Variants in CATSPERB observed in about 807,000 individuals in gnomAD.
The protein encoded by CATSPERB is catsper channel auxiliary subunit beta.
A neutral mutation model predicts 128.3 loss-of-function variants in CATSPERB; 93 were observed. The observed-to-expected ratio is 0.72, with a 90% CI of 0.61 to 0.86. CATSPERB has a LOEUF of 0.86. Among genes scored for constraint, CATSPERB ranks in the 40% least tolerant of loss-of-function variants. The probability of loss-of-function intolerance (pLI) is 0.00; values close to 1 mark genes in which losing one functional copy is unlikely to be tolerated. For missense variants in CATSPERB, 1,153 were observed against 1,329.5 expected (o/e 0.87, Z 2.06); for synonymous variants, 381 against 448.8 (o/e 0.85, Z 1.91).
intron 17 of CATSPERB, among the ~76,000 whole-genome samples, chr14:91,632,710 C>A (rs796066129): frequency 1.3e-5 from 2 of 152,152 alleles, no homozygotes; most frequent in African/African-American, 4.8e-5. Flanking sequence ...TCACAAGGAA[C>A]AGGATTAATC....
At chr14:91,587,153 G>A (rs1193832277) in intron 26 of CATSPERB, 49 bp downstream of exon 26, 3 of 1,448,386 alleles carry the variant, frequency 2.1e-6, no homozygotes, top group African/African-American at 2.9e-5. Flanking sequence ...GTTTTGTCAT[G>A]TTTTTTCCCC....
At chr14:91,729,688 T>C (rs889498027) in intron 1 of CATSPERB, among the ~76,000 whole-genome samples, 2 of 152,164 alleles carry the variant, frequency 1.3e-5, no homozygotes, top group African/African-American at 4.8e-5. Flanking sequence ...GGTATAATTA[T>C]TACAAACTAG....
intron 4 of CATSPERB, among the ~76,000 whole-genome samples, chr14:91,722,787 G>A (rs1418684111): frequency 1.3e-5 from 2 of 152,000 alleles, no homozygotes; most frequent in African/African-American, 4.8e-5. Flanking sequence ...ACATCAGATG[G>A]CAACTTACAT....
chr14:91,676,777 C>T (rs563797234), intron 11 of CATSPERB, among the ~76,000 whole-genome samples: 1 of 152,192 alleles, frequency 6.6e-6, no homozygotes, highest in Admixed American at 6.5e-5. Context: ...CAATCCTAAG[C>T]AAAAAGAACA....
intron 26 of CATSPERB, among the ~76,000 whole-genome samples, 187 bp downstream of exon 26, chr14:91,587,015 C>A (rs977581033): frequency 6.6e-6 from 1 of 152,190 alleles, no homozygotes; most frequent in African/African-American, 2.4e-5. Context: ...TCAGTCCTGG[C>A]ACCCATGATG....
chr14:91,727,082 T>C (rs1896130271), intron 2 of CATSPERB, among the ~76,000 whole-genome samples: 2 of 152,322 alleles, frequency 1.3e-5, no homozygotes, highest in South Asian at 4.1e-4. Flanking sequence ...GATATCTTAA[T>C]TACAACAATT....
chr14:91,707,488 A>C (rs1357404540), intron 6 of CATSPERB, among the ~76,000 whole-genome samples: 1 of 151,082 alleles, frequency 6.6e-6, no homozygotes, highest in African/African-American at 2.4e-5. Flanking sequence ...AAAACTACTT[A>C]CTTTTTTGGA....
chr14:91,703,435 G>A (rs560256379), intron 7 of CATSPERB, among the ~76,000 whole-genome samples: 1 of 152,004 alleles, frequency 6.6e-6, no homozygotes, highest in African/African-American at 2.4e-5. Context: ...GAATTTCCTG[G>A]GTGATGGGAT....
At chr14:91,688,195 G>A (rs1895407557) in intron 10 of CATSPERB, among the ~76,000 whole-genome samples, 2 of 152,216 alleles carry the variant, frequency 1.3e-5, no homozygotes, top group African/African-American at 4.8e-5. Flanking sequence ...TAATCTGAAA[G>A]ATGAATAATC....
intron 10 of CATSPERB, among the ~76,000 whole-genome samples, chr14:91,689,040 T>C (rs990440509): frequency 1.3e-5 from 2 of 152,198 alleles, no homozygotes; most frequent in Non-Finnish European, 2.9e-5. Context: ...GAATAATAGA[T>C]GGCAAAGTGG....
intron 22 of CATSPERB, chr14:91,604,387 C>A: frequency 1.0e-6 from 1 of 962,784 alleles, no homozygotes; most frequent in South Asian, 1.3e-5. Flanking sequence ...TGATTAATGT[C>A]AATTGCACTC....
chr14:91,673,718 A>G (rs1895140365), intron 12 of CATSPERB, among the ~76,000 whole-genome samples: 1 of 152,116 alleles, frequency 6.6e-6, no homozygotes, highest in African/African-American at 2.4e-5. Flanking sequence ...CCCTGTCTCT[A>G]CTAAAAATAC....
chr14:91,682,333 GT>G (rs1293919722), intron 11 of CATSPERB, among the ~76,000 whole-genome samples: 3 of 152,124 alleles, frequency 2.0e-5, no homozygotes, highest in Non-Finnish European at 4.4e-5. Flanking sequence ...GTACACAGTG[GT>G]GTCAGATGGC....
intron 15 of CATSPERB, among the ~76,000 whole-genome samples, chr14:91,640,244 ATTTTTTTAT>A (rs1315267328): frequency 3.0e-5 from 3 of 101,352 alleles, no homozygotes; most frequent in Non-Finnish European, 4.5e-5. Flanking sequence ...CATTCTTTTT[ATTTTTTTAT>A]TTTTTTTTTA....
At chr14:91,705,799 C>A in intron 6 of CATSPERB, among the ~76,000 whole-genome samples, 1 of 152,342 alleles carries the variant, frequency 6.6e-6, no homozygotes, top group Non-Finnish European at 1.5e-5. Context: ...TCTTCCTCAC[C>A]AGACCAGGGT....
At chr14:91,609,574 T>C (rs1387156858) in intron 21 of CATSPERB, among the ~76,000 whole-genome samples, 1 of 152,206 alleles carries the variant, frequency 6.6e-6, no homozygotes, top group Non-Finnish European at 1.5e-5. Context: ...GTACTATCTG[T>C]GTTTGTGTGT....
intron 11 of CATSPERB, among the ~76,000 whole-genome samples, chr14:91,681,664 AC>A (rs1424529971): frequency 6.6e-6 from 1 of 152,148 alleles, no homozygotes; most frequent in Admixed American, 6.5e-5. Flanking sequence ...AGGTCCTCAT[AC>A]CCTAGGGGCA....
intron 5 of CATSPERB, chr14:91,709,794 T>C (rs1220624120): frequency 1.3e-5 from 2 of 152,236 alleles, no homozygotes; most frequent in Non-Finnish European, 2.9e-5. Context: ...GTGGTTTCTA[T>C]AGTGGTACAT....
At chr14:91,695,703 T>C (rs1367468996) in intron 7 of CATSPERB, among the ~76,000 whole-genome samples, 1 of 152,200 alleles carries the variant, frequency 6.6e-6, no homozygotes, top group Non-Finnish European at 1.5e-5. Context: ...GGAAGTGATG[T>C]GATCTGGTTT....
Sources: gnomAD v4.1 joint callset for allele counts (sites outside exome capture counted in the v4.1 genomes callset) on GRCh38, gnomAD v4.1.1 for gene constraint, MANE v1.5 for transcripts, NCBI Gene and HGNC (gene_info 2026-07-23, HGNC 2026-07-21) for gene names.